Variants in MGAM observed in about 807,000 individuals in gnomAD.
MGAM encodes the protein alpha-1,4-glucosidase.
A neutral mutation model predicts 358.8 loss-of-function variants in MGAM; 253 were observed. That is an observed-to-expected ratio of 0.71 (90% CI 0.64 to 0.78). The LOEUF (loss-of-function observed/expected upper bound fraction) is 0.78. Ranked by LOEUF, MGAM falls within the 30% of genes least tolerant of loss-of-function variation. The pLI, the probability that MGAM is intolerant of heterozygous loss-of-function variation, is 0.00. For missense variants in MGAM, 3,080 were observed against 3,432.6 expected, an observed-to-expected ratio of 0.90 and a Z score of 2.57; for synonymous variants, 1,105 against 1,227.1, an observed-to-expected ratio of 0.90 and a Z score of 2.08.
At chr7:142,044,352 C>T (rs1385484109) in intron 21 of MGAM, among the ~76,000 whole-genome samples, 1 of 132,864 alleles carries the variant, frequency 7.5e-6, no homozygotes, top group Non-Finnish European at 1.6e-5. Flanking sequence ...ATATAATATA[C>T]ACATACGATA....
At chr7:142,016,781 CG>C (rs1338168066) in intron 3 of MGAM, among the ~76,000 whole-genome samples, 2 of 151,992 alleles carry the variant, frequency 1.3e-5, no homozygotes, top group Non-Finnish European at 2.9e-5. Flanking sequence ...TTAGTAGAGA[CG>C]GGGTTTCACC....
At chr7:142,100,660 A>G (rs1816362947) in intron 67 of MGAM, 142 bp from the exon 68 acceptor site, 1 of 735,916 alleles carries the variant, frequency 1.4e-6, no homozygotes, top group East Asian at 2.7e-5. Context: ...AATTAGAACT[A>G]AGACACAAGT....
chr7:142,096,132 A>G, intron 64 of MGAM, 199 bp from the exon 65 acceptor site: 2 of 630,636 alleles, frequency 3.2e-6, no homozygotes, highest in Non-Finnish European at 5.7e-6. Flanking sequence ...TCTACATCCC[A>G]GCATTTCTGA....
intron 1 of MGAM, among the ~76,000 whole-genome samples, chr7:141,997,100 G>T (rs1554448963): frequency 6.6e-6 from 1 of 152,302 alleles, no homozygotes; most frequent in Non-Finnish European, 1.5e-5. Flanking sequence ...TGGTTACAGA[G>T]GTGGGAAGGG....
chr7:142,048,015 G>A (rs1408572297), intron 22 of MGAM, 142 bp downstream of exon 22: 9 of 692,328 alleles, frequency 1.3e-5, no homozygotes, highest in African/African-American at 3.6e-5. Flanking sequence ...GTTTCTGGTT[G>A]CACCATTCAG....
In MGAM at chr7:142,087,123, CT is replaced by C. The variant is rs1177041153; in HGVS notation, c.6810+407del. 3.5e-5 allele frequency among the ~76,000 whole-genome samples: 5 copies of C among 143,670 alleles called. No homozygotes were observed. The South Asian group carries it at 6.7e-4, about 19-fold the overall frequency. 94.3% of individuals were successfully genotyped at this position (143,670 alleles called of 152,430 possible). ...TTGGTTATCCCTTTTAAACAGTCTT[CT>C]AACCTCAAAGACTGTTTAGGTCTTT... On this transcript the variant is annotated intron_variant, in intron 57 of 70. Transcript: ENST00000475668.
upstream of MGAM, among the ~76,000 whole-genome samples, chr7:141,991,585 C>T (rs1049404454): frequency 1.2e-4 from 18 of 151,902 alleles, no homozygotes; most frequent in African/African-American, 2.4e-4. Flanking sequence ...TATAGGCACG[C>T]GCTACCATGC....
In MGAM at chr7:142,032,871, G is replaced by GT; in HGVS notation, c.1633dup (p.Ser545PhefsTer7). The GT allele has an allele frequency of 6.2e-7, 1 of 1,610,814 alleles. No homozygotes were observed. The highest frequency in any genetic ancestry group is 8.5e-7 in the Non-Finnish European group (1 of 1,178,460). ...TTTGTTGATGGTTCGGTCTCAGGAT[G>GT]TTCCACAAACAACCTAAATAATCCC... is the stretch of plus-strand genomic sequence containing the variant. On this transcript the variant is annotated frameshift_variant, in exon 14 of 71. Transcript: ENST00000475668. LOFTEE classifies it high-confidence loss of function.
intron 5 of MGAM, 71 bp from the exon 6 acceptor site, chr7:142,021,515 C>T (rs1174051296): frequency 2.0e-5 from 29 of 1,465,832 alleles, no homozygotes; most frequent in Non-Finnish European, 2.4e-5. Context: ...TTCCAGTATC[C>T]TAAGTAGGGA....
rs1806553361 is a variant in MGAM, at chr7:142,022,451, A to G, written c.882+12A>G. The G allele has an allele frequency of 6.2e-7, 1 of 1,610,444 alleles. No homozygotes were observed. Among genetic ancestry groups the G allele is most frequent in the Non-Finnish European group, 8.5e-7 (1 of 1,177,892 alleles). ...CAACTCCCAATGGAGTAAGCTTTCA[A>G]ATGGGCCCCTTTCCACTGAATATCA... On this transcript the variant is annotated intron_variant, in intron 7 of 70. Coordinates refer to ENST00000475668, the MANE Select transcript of MGAM (RefSeq NM_001365693.1).
intron 7 of MGAM, among the ~76,000 whole-genome samples, chr7:142,024,159 G>T (rs10280322): frequency 0.026 from 3,993 of 152,084 alleles, 181 homozygotes; most frequent in African/African-American, 0.091. Flanking sequence ...AACCCAGGAG[G>T]CAGAGCTTGC....
chr7:142,066,153 G>A (rs1271803140), intron 40 of MGAM, among the ~76,000 whole-genome samples: 1 of 144,376 alleles, frequency 6.9e-6, no homozygotes, highest in African/African-American at 2.4e-5. Context: ...GTAGAAATGG[G>A]ATCTTGCCAT....
intron 2 of MGAM, among the ~76,000 whole-genome samples, chr7:141,989,291 G>T (rs898357238): frequency 2.0e-5 from 3 of 152,148 alleles, no homozygotes; most frequent in African/African-American, 7.2e-5. Flanking sequence ...TTAAGCTAAT[G>T]ATACTGCTTG....
chr7:142,065,747 C>A lies in MGAM; in HGVS notation c.4686C>A (p.Asp1562Glu). The change falls in exon 40 of 71, where the codon GAC becomes GAA. Residue 1562 changes from aspartate (D) to glutamate (E), a missense_variant. This residue lies in a region of MGAM where 134 missense variants were observed against 198.4 expected (regional missense o/e 0.68). Transcript: ENST00000475668. ...CAGATATCTGTGGGTTCTTTCAAGA[C>A]GCTGAGTACGAGATGTGTGTTCGCT... ...TGADICGFFQ[D>E]AEYEMCVRWM... The A allele has an allele frequency of 6.6e-7, 1 of 1,524,856 alleles. No individual in the cohort carries two copies. The highest frequency in any genetic ancestry group is 9.0e-7 in the Non-Finnish European group (1 of 1,108,412). The allele number at this position is 1,524,856 out of a possible 1,614,324, so 94.5% of individuals were successfully genotyped here. A position where few individuals can be genotyped will look rare whatever the true frequency, so the allele number is the denominator to read the frequency against.
chr7:142,071,156 T>A, intron 44 of MGAM, 38 bp downstream of exon 44: 1 of 1,526,350 alleles, frequency 6.6e-7, no homozygotes, highest in Non-Finnish European at 9.0e-7. Flanking sequence ...TACATTTCAG[T>A]TAGCTCAACA....
At chr7:142,037,167 G>A (rs532884519) in intron 18 of MGAM, among the ~76,000 whole-genome samples, 190 bp downstream of exon 18, 1 of 152,250 alleles carries the variant, frequency 6.6e-6, no homozygotes, top group Non-Finnish European at 1.5e-5. Flanking sequence ...TACCTAGTTG[G>A]TATTTGTAAG....
At chr7:142,088,822 C>CATCTATCTATCT (rs71166559) in intron 57 of MGAM, among the ~76,000 whole-genome samples, 3,747 of 124,622 alleles carry the variant, frequency 0.03, 323 homozygotes, top group Admixed American at 0.041. Flanking sequence ...ATCTATGTAC[C>CATCTATCTATCT]ATCTATCTAT....
intron 21 of MGAM, among the ~76,000 whole-genome samples, chr7:142,042,128 T>C (rs1228716129): frequency 1.5e-5 from 1 of 67,064 alleles, no homozygotes. Context: ...ATAATATATA[T>C]ACATATAATA....
intron 4 of MGAM, 23 bp downstream of exon 4, chr7:142,019,342 GC>G: frequency 6.2e-7 from 1 of 1,608,870 alleles, no homozygotes; most frequent in Non-Finnish European, 8.5e-7. Context: ...CTGCCATGAT[GC>G]AGGAGGTCCA....
Sources: allele counts gnomAD v4.1 joint callset (sites outside exome capture counted in the v4.1 genomes callset), GRCh38; gene constraint gnomAD v4.1.1; regional missense constraint gnomAD v4.1.1; transcripts MANE v1.5; gene names NCBI Gene and HGNC (gene_info 2026-07-23, HGNC 2026-07-21).